The following GLMN variants were observed in gnomAD, a reference collection of about 807,000 sequenced individuals.
GLMN encodes the protein glomulin.
In GLMN, 75 loss-of-function variants were observed where a neutral mutation model predicts 87.8. That is an observed-to-expected ratio of 0.85 (90% CI 0.71 to 1.04). The LOEUF (loss-of-function observed/expected upper bound fraction) is 1.04. Ranked by LOEUF, GLMN falls within the 50% of genes least tolerant of loss-of-function variation. The probability of loss-of-function intolerance (pLI) is 0.00; values close to 1 mark genes in which losing one functional copy is unlikely to be tolerated. For missense variants in GLMN, 588 were observed against 658.8 expected (o/e 0.89, Z 1.18); for synonymous variants, 206 against 221.6 (o/e 0.93, Z 0.63).
At position 92,266,703 on chromosome 1, in the gene GLMN, T is replaced by C. The variant is rs1201915152; in HGVS notation, c.1137A>G (p.Thr379=). ...TAGTCACCAAATATTTACATACCAG[T>C]GTCTCAATGGGGCAAAGTGTCATTA... The part of the protein sequence containing the change: ...VKVMTLCPIE[T]LRKKSLAMLQ... The change falls in exon 12 of 19, where the codon ACA becomes ACG. Residue 379 remains threonine, a synonymous_variant. Coordinates refer to ENST00000370360, the MANE Select transcript of GLMN (RefSeq NM_053274.3). The C allele has an allele frequency of 6.9e-6, 11 of 1,588,902 alleles. No homozygotes were observed. The South Asian group carries it at 1.2e-4, about 18-fold the overall frequency.
In GLMN at chr1:92,263,188, A is replaced by C. The variant is rs572187429; in HGVS notation, c.1410-262T>G. On this transcript the variant is annotated intron_variant, in intron 15 of 18. Coordinates refer to ENST00000370360, the MANE Select transcript of GLMN (RefSeq NM_053274.3). ...CATCATCTCTTGCTTTCTGAATTTT[A>C]AGATTACTTTTTAAATGCTTTAAAC... 1.1e-4 allele frequency among the ~76,000 whole-genome samples: 16 copies of C among 152,320 alleles called. No individual in the cohort carries two copies. The South Asian group carries it at 3.3e-3, about 32-fold the overall frequency.
chr1:92,322,221 C>T, the GLMN span, among the ~76,000 whole-genome samples: 1 of 151,176 alleles, frequency 6.6e-6, no homozygotes, highest in East Asian at 2.0e-4. Flanking sequence ...GCTGGGATTA[C>T]AGATGTGAGT....
the GLMN span, among the ~76,000 whole-genome samples, chr1:92,337,552 A>G: frequency 1.3e-5 from 2 of 152,272 alleles, no homozygotes; most frequent in African/African-American, 4.8e-5. Context: ...ATTTACATTA[A>G]ACTATCAAAC....
chr1:92,278,782 T>C (rs560381420), intron 7 of GLMN, among the ~76,000 whole-genome samples: 5 of 152,300 alleles, frequency 3.3e-5, no homozygotes, highest in African/African-American at 1.2e-4. Context: ...ATCACATGGC[T>C]TTCCAACATT....
chr1:92,329,868 A>G, the GLMN span, among the ~76,000 whole-genome samples: 3 of 152,224 alleles, frequency 2.0e-5, no homozygotes, highest in Admixed American at 1.3e-4. Context: ...TCATGGTCTC[A>G]TCATAAATCA....
intron 11 of GLMN, among the ~76,000 whole-genome samples, chr1:92,267,339 G>A (rs1259608473): frequency 6.6e-6 from 1 of 152,144 alleles, no homozygotes; most frequent in Non-Finnish European, 1.5e-5. Context: ...CTTTTCTACT[G>A]GATGCTGTGC....
At chr1:92,301,558 G>A (rs1650859469), upstream of GLMN, 15 of 1,561,130 alleles carry the variant, frequency 9.6e-6, no homozygotes, top group Non-Finnish European at 1.3e-5. Context: ...GCTTTTAGAG[G>A]AGAATATTAC....
intron 16 of GLMN, among the ~76,000 whole-genome samples, chr1:92,248,876 A>G (rs1653040677): frequency 6.6e-6 from 1 of 152,156 alleles, no homozygotes. Context: ...TAATAGGAAA[A>G]GTAGAATACT....
chr1:92,349,694 G>C, the GLMN span, among the ~76,000 whole-genome samples: 1 of 152,178 alleles, frequency 6.6e-6, no homozygotes, highest in Non-Finnish European at 1.5e-5. Flanking sequence ...TTGGGAGGCT[G>C]AGGCAGGAGG....
chr1:92,364,840 A>AATC, the GLMN span, among the ~76,000 whole-genome samples: 2 of 152,132 alleles, frequency 1.3e-5, no homozygotes, highest in African/African-American at 4.8e-5. Context: ...TAGCTTTAAA[A>AATC]ATCATCTCAC....
intron 4 of GLMN, 83 bp downstream of exon 4, chr1:92,291,331 GCTTT>G: frequency 8.2e-7 from 1 of 1,225,176 alleles, no homozygotes; most frequent in Non-Finnish European, 1.2e-6. Context: ...TGAACCAAAA[GCTTT>G]CTTACCAAAC....
chr1:92,298,677 C>G (rs1464460244), intron 1 of GLMN, among the ~76,000 whole-genome samples: 1 of 152,150 alleles, frequency 6.6e-6, no homozygotes, highest in Non-Finnish European at 1.5e-5. Context: ...CGGCAAGGCT[C>G]GGCCCCAAGC....
chr1:92,324,844 A>G, the GLMN span, among the ~76,000 whole-genome samples: 2 of 152,196 alleles, frequency 1.3e-5, no homozygotes, highest in East Asian at 3.9e-4. Context: ...TAGTTTGTAA[A>G]AGAGACTTAT....
At chr1:92,351,305 CAAAAAA>C in the GLMN span, among the ~76,000 whole-genome samples, 3 of 86,838 alleles carry the variant, frequency 3.5e-5, no homozygotes, top group Admixed American at 1.5e-4. Flanking sequence ...GACTCTGTCT[CAAAAAA>C]AAAAAAAAAA....
intron 3 of GLMN, among the ~76,000 whole-genome samples, chr1:92,296,369 G>A (rs1650051310): frequency 6.6e-6 from 1 of 152,178 alleles, no homozygotes; most frequent in South Asian, 2.1e-4. Context: ...CATGGCTAGG[G>A]AGGCCTCAGG....
intron 16 of GLMN, among the ~76,000 whole-genome samples, chr1:92,261,581 A>G (rs1482426980): frequency 1.3e-5 from 2 of 152,170 alleles, no homozygotes; most frequent in Non-Finnish European, 2.9e-5. Flanking sequence ...GGTATGAGGA[A>G]CCTCTTGTGA....
At chr1:92,248,614 T>G (rs1042967313) in intron 16 of GLMN, among the ~76,000 whole-genome samples, 1 of 152,294 alleles carries the variant, frequency 6.6e-6, no homozygotes, top group Non-Finnish European at 1.5e-5. Flanking sequence ...GTACTTCCAG[T>G]TTCCAAGTAC....
chr1:92,301,552 T>C, upstream of GLMN: 1 of 1,571,120 alleles, frequency 6.4e-7, no homozygotes. Context: ...TGAACAGCTT[T>C]TAGAGGAGAA....
the GLMN span, among the ~76,000 whole-genome samples, chr1:92,364,570 T>C: frequency 6.6e-6 from 1 of 152,188 alleles, no homozygotes; most frequent in Non-Finnish European, 1.5e-5. Flanking sequence ...AATTTGAGAT[T>C]AAGTCATTTT....
Sources: gnomAD v4.1 joint callset for allele counts (sites outside exome capture counted in the v4.1 genomes callset) on GRCh38, gnomAD v4.1.1 for gene constraint, MANE v1.5 for transcripts, NCBI Gene and HGNC (gene_info 2026-07-23, HGNC 2026-07-21) for gene names.